Variants in GLB1L3 observed in about 807,000 individuals in gnomAD.
The protein encoded by GLB1L3 is beta-galactosidase-1-like protein 3.
In GLB1L3, 89 loss-of-function variants were observed where a neutral mutation model predicts 89.5. That is an observed-to-expected ratio of 0.99 (90% CI 0.84 to 1.19). GLB1L3 has a LOEUF of 1.19. Ranked by LOEUF, GLB1L3 falls within the 50% of genes most tolerant of loss-of-function variation. The pLI is 0.00. For synonymous variants in GLB1L3, 314 were observed against 312.3 expected, an observed-to-expected ratio of 1.01 and a Z score of -0.06; for missense variants, 812 against 813.3, an observed-to-expected ratio of 1.00 and a Z score of 0.02.
chr11:134,297,122 A>G (rs932877865), intron 9 of GLB1L3, among the ~76,000 whole-genome samples: 15 of 152,034 alleles, frequency 9.9e-5, no homozygotes, highest in Admixed American at 9.8e-4. Context: ...TTTTGTTGGA[A>G]GCTTGGCCGC....
chr11:134,298,995 T>C (rs1437249933), intron 9 of GLB1L3, among the ~76,000 whole-genome samples: 1 of 152,178 alleles, frequency 6.6e-6, no homozygotes, highest in African/African-American at 2.4e-5. Flanking sequence ...CTGTTTTCTT[T>C]CCCACTGTCT....
intron 3 of GLB1L3, among the ~76,000 whole-genome samples, chr11:134,279,817 G>A (rs1469451173): frequency 6.6e-6 from 1 of 151,832 alleles, no homozygotes; most frequent in African/African-American, 2.4e-5. Flanking sequence ...TAACTAGCTT[G>A]TAGCTTTGTT....
intron 10 of GLB1L3, among the ~76,000 whole-genome samples, chr11:134,308,827 A>G (rs996692510): frequency 6.6e-6 from 1 of 152,230 alleles, no homozygotes; most frequent in Non-Finnish European, 1.5e-5. Flanking sequence ...CAGATCAGGA[A>G]GCAGTGGCGT....
At chr11:134,291,082 CG>C (rs1941329841) in intron 7 of GLB1L3, among the ~76,000 whole-genome samples, 2 of 152,068 alleles carry the variant, frequency 1.3e-5, no homozygotes, top group African/African-American at 4.8e-5. Flanking sequence ...AATTCAAACC[CG>C]TGTCTAGCTC....
At chr11:134,290,581 A>C (rs1172875598) in intron 7 of GLB1L3, among the ~76,000 whole-genome samples, 1 of 138,780 alleles carries the variant, frequency 7.2e-6, no homozygotes, top group African/African-American at 2.6e-5. Context: ...CCCCCCGCCA[A>C]AAAAAAAGAA....
chr11:134,320,032 A>G (rs1156575949), downstream of GLB1L3, among the ~76,000 whole-genome samples: 2 of 152,152 alleles, frequency 1.3e-5, no homozygotes. Context: ...ACACATGAAT[A>G]TTCCAACCAC....
intron 13 of GLB1L3, 51 bp from the exon 14 acceptor site, chr11:134,312,298 A>T: frequency 6.3e-7 from 1 of 1,597,266 alleles, no homozygotes; most frequent in Non-Finnish European, 8.5e-7. Flanking sequence ...AGGAAGGAGG[A>T]TCCTGACTGC....
chr11:134,311,121 G>A lies in GLB1L3; in HGVS notation c.1238G>A (p.Arg413Lys), dbSNP rs1254937420. The A allele has an allele frequency of 6.2e-7, 1 of 1,613,814 alleles. No homozygotes were observed. The highest frequency in any genetic ancestry group is 1.3e-5 in the African/African-American group (1 of 74,898). ...LPPKAVYPPV[R>K]PSLYLPLWDA... The stretch of plus-strand genomic sequence containing the variant: ...CCCAAGGCTGTGTATCCCCCCGTGA[G>A]ACCGTCGCTGTACCTCCCGCTGTGG... The change falls in exon 13 of 20, where the codon AGA becomes AAA. Residue 413 changes from arginine (R) to lysine (K), a missense_variant. Physicochemically the swap from Arg to Lys is conservative, Grantham distance 26 (BLOSUM62 2). Transcript: ENST00000431683.
At chr11:134,285,599 AAC>A (rs1369751246) in intron 6 of GLB1L3, among the ~76,000 whole-genome samples, 4 of 152,060 alleles carry the variant, frequency 2.6e-5, no homozygotes, top group African/African-American at 9.7e-5. Flanking sequence ...CAGCCTGAGC[AAC>A]ATAGTGAGAC....
intron 1 of GLB1L3, among the ~76,000 whole-genome samples, chr11:134,276,998 G>A (rs949601804): frequency 6.6e-6 from 1 of 152,248 alleles, no homozygotes; most frequent in African/African-American, 2.4e-5. Flanking sequence ...CAGGCCAGGG[G>A]CTCCAGCGGC....
At chr11:134,288,343 A>G (rs527584408) in intron 6 of GLB1L3, among the ~76,000 whole-genome samples, 102 of 152,258 alleles carry the variant, frequency 6.7e-4, no homozygotes, top group Non-Finnish European at 1.0e-3. Context: ...TTCCATGATC[A>G]TGGAGGTCAG....
At chr11:134,279,153 T>C (rs1011192803) in intron 3 of GLB1L3, among the ~76,000 whole-genome samples, 1 of 152,306 alleles carries the variant, frequency 6.6e-6, no homozygotes, top group Admixed American at 6.5e-5. Flanking sequence ...ATTGGAAATA[T>C]TTTGCACAAG....
At chr11:134,308,357 TA>T (rs1942407692) in intron 10 of GLB1L3, among the ~76,000 whole-genome samples, 2 of 12,228 alleles carry the variant, frequency 1.6e-4, no homozygotes, top group African/African-American at 4.1e-4. Context: ...CCATCACCAC[TA>T]CCACCACCAC....
downstream of GLB1L3, among the ~76,000 whole-genome samples, chr11:134,321,203 T>C (rs542744508): frequency 2.0e-5 from 3 of 152,300 alleles, no homozygotes; most frequent in Admixed American, 2.0e-4. Flanking sequence ...AGGGATGTGA[T>C]GGCCAAAAAG....
At chr11:134,316,042 C>T (rs567511301) in intron 18 of GLB1L3, among the ~76,000 whole-genome samples, 1 of 152,166 alleles carries the variant, frequency 6.6e-6, no homozygotes, top group South Asian at 2.1e-4. Flanking sequence ...GTCTTTCATG[C>T]CTTCACAATG....
chr11:134,284,751 A>C (rs750572144), intron 6 of GLB1L3, among the ~76,000 whole-genome samples: 8 of 151,740 alleles, frequency 5.3e-5, no homozygotes, highest in Non-Finnish European at 1.0e-4. Context: ...GAAACAAAAA[A>C]ACAAAACTCG....
chr11:134,306,455 A>G (rs905740123), intron 9 of GLB1L3, among the ~76,000 whole-genome samples: 3 of 152,346 alleles, frequency 2.0e-5, no homozygotes, highest in East Asian at 1.9e-4. Context: ...GGATCTGGAA[A>G]ACATCATAAT....
Position 134,314,341 on chromosome 11 carries a change from C to A in GLB1L3, c.1679C>A (p.Ala560Asp). The change falls in exon 18 of 20, where the codon GCC (alanine) becomes GAC (aspartate). Residue 560 changes from alanine (A) to aspartate (D), a missense_variant. By Grantham distance (126) the Ala-to-Asp change is moderately radical (BLOSUM62 -2). Coordinates refer to ENST00000431683, the MANE Select transcript of GLB1L3 (RefSeq NM_001080407.3). ...GGCCTTTCTTCCAGGCTCCGCTCTG[C>A]CACCTGGAAGCCTGTCCCAGACAGC... ...KMSFFERLRS[A>D]TWKPVPDSHQ... is the part of the protein sequence containing the mutation. 6.5e-7 allele frequency: 1 copy of A among 1,547,968 alleles called. No individual in the cohort carries two copies. The highest frequency in any genetic ancestry group is 1.2e-5 in the South Asian group (1 of 83,464).
At position 134,277,322 on chromosome 11, in the gene GLB1L3, T is replaced by C; in HGVS notation, c.24-4T>C. The C allele has an allele frequency of 1.2e-6, 2 of 1,613,914 alleles. No homozygotes were observed. Among genetic ancestry groups the C allele is most frequent in the Non-Finnish European group, 1.7e-6 (2 of 1,179,868 alleles). On this transcript the variant is annotated splice_polypyrimidine_tract_variant and splice_region_variant and intron_variant, in intron 1 of 19. Coordinates refer to ENST00000431683, the MANE Select transcript of GLB1L3 (RefSeq NM_001080407.3). The stretch of plus-strand genomic sequence containing the variant: ...CTTGTCACTGTTGTCCTTTCTCCTT[T>C]CAGCCCGTGTCTCTCCTGGAAGAGA...
Sources: gnomAD v4.1 joint callset for allele counts (sites outside exome capture counted in the v4.1 genomes callset) on GRCh38, gnomAD v4.1.1 for gene constraint, MANE v1.5 for transcripts, NCBI Gene and HGNC (gene_info 2026-07-23, HGNC 2026-07-21) for gene names.